Variants in FAM184B observed in about 807,000 individuals in gnomAD.
FAM184B encodes protein FAM184B.
A neutral mutation model predicts 135.9 loss-of-function variants in FAM184B; 111 were observed. The ratio of observed to expected loss-of-function variants is 0.82; its 90% confidence interval spans 0.70 to 0.96. The LOEUF is 0.96. Among genes scored for constraint, FAM184B ranks in the 40% least tolerant of loss-of-function variants. The pLI is 0.00. For missense variants in FAM184B, 1,375 were observed against 1,323.9 expected (o/e 1.04, Z -0.60); for synonymous variants, 552 against 524.8 (o/e 1.05, Z -0.71).
At chr4:17,685,988 A>AT (rs1416252256) in intron 7 of FAM184B, among the ~76,000 whole-genome samples, 1 of 152,052 alleles carries the variant, frequency 6.6e-6, no homozygotes, top group African/African-American at 2.4e-5. Context: ...CCTGAACTGC[A>AT]TTTTTTTATT....
rs1717078989 is a variant in FAM184B, at chr4:17,705,183, C to T, written c.1194G>A (p.Glu398=). The change falls in exon 5 of 18, where the codon GAG becomes GAA. Residue 398 remains glutamate, a synonymous_variant. Transcript: ENST00000265018. ...DMQTKKEASA[E]TEYMKQQYEE... ...CATATTGTTGCTTCATATATTCTGT[C>T]TCAGCACTTGCCTCTTTCTTGGTCT... 5.8e-6 allele frequency: 9 copies of T among 1,551,654 alleles called. No individual in the cohort carries two copies. Among genetic ancestry groups the T allele is most frequent in the African/African-American group, 1.4e-5 (1 of 73,038 alleles).
chr4:17,760,068 T>C (rs1289019629), intron 1 of FAM184B, among the ~76,000 whole-genome samples: 3 of 152,130 alleles, frequency 2.0e-5, no homozygotes, highest in Non-Finnish European at 2.9e-5. Flanking sequence ...CAGCATTTCA[T>C]GACATACAAA....
intron 1 of FAM184B, among the ~76,000 whole-genome samples, chr4:17,768,853 A>C (rs571176226): frequency 6.7e-6 from 1 of 150,008 alleles, no homozygotes; most frequent in East Asian, 2.0e-4. Flanking sequence ...TGCCCAGGCT[A>C]GAGTGCAATG....
chr4:17,640,102 G>A (rs1715264555), intron 13 of FAM184B, among the ~76,000 whole-genome samples: 1 of 100,844 alleles, frequency 9.9e-6, no homozygotes, highest in Non-Finnish European at 2.4e-5. Flanking sequence ...AAAGTGCTGG[G>A]ATTACACGCG....
chr4:17,705,220 A>T lies in FAM184B; in HGVS notation c.1171-14T>A. 7.8e-6 allele frequency: 12 copies of T among 1,548,098 alleles called. No individual in the cohort carries two copies. The highest frequency in any genetic ancestry group is 1.0e-5 in the Non-Finnish European group (12 of 1,145,228). The stretch of plus-strand genomic sequence containing the variant: ...CTCTTTCTTGGTCTATAAAAAGAAA[A>T]AGGACCTTGTAAAACCACTGGGGAG... On this transcript the variant is annotated splice_polypyrimidine_tract_variant and intron_variant, in intron 4 of 17. Coordinates refer to ENST00000265018, the MANE Select transcript of FAM184B (RefSeq NM_015688.2).
chr4:17,682,534 T>C (rs1004557116), intron 7 of FAM184B, among the ~76,000 whole-genome samples: 1 of 152,194 alleles, frequency 6.6e-6, no homozygotes, highest in Non-Finnish European at 1.5e-5. Context: ...AGTCTCACTC[T>C]GTTCCCCAGG....
intron 11 of FAM184B, 77 bp downstream of exon 11, chr4:17,652,751 GCC>G: frequency 1.4e-6 from 2 of 1,471,480 alleles, no homozygotes; most frequent in East Asian, 5.0e-5. Flanking sequence ...TGGAGCCCTG[GCC>G]CTCAGCTTGT....
intron 13 of FAM184B, among the ~76,000 whole-genome samples, chr4:17,641,712 C>G (rs1270243580): frequency 7.9e-6 from 1 of 126,086 alleles, no homozygotes; most frequent in African/African-American, 3.0e-5. Flanking sequence ...GTTGTCCAGG[C>G]TGGTCTCGAA....
At chr4:17,658,964 CCT>C (rs1443374481) in intron 9 of FAM184B, among the ~76,000 whole-genome samples, 3 of 152,152 alleles carry the variant, frequency 2.0e-5, no homozygotes, top group Non-Finnish European at 4.4e-5. Context: ...CTCCCAGAAA[CCT>C]CTGCCCTGCT....
intron 7 of FAM184B, among the ~76,000 whole-genome samples, chr4:17,678,192 A>T (rs949178655): frequency 1.3e-5 from 2 of 152,214 alleles, no homozygotes; most frequent in African/African-American, 4.8e-5. Flanking sequence ...AAGAGAAAGA[A>T]ATAAAGGGCA....
Position 17,642,120 on chromosome 4 carries a change from GCACCGCGTC to G in FAM184B, c.2446_2454del (p.Asp816_Val818del). 6.5e-7 allele frequency: 1 copy of G among 1,532,826 alleles called. No individual in the cohort carries two copies. The highest frequency in any genetic ancestry group is 8.7e-7 in the Non-Finnish European group (1 of 1,145,276). The allele number at this position is 1,532,826 out of a possible 1,614,324, so 95.0% of individuals were successfully genotyped here. A position where few individuals can be genotyped will look rare whatever the true frequency, so the allele number is the denominator to read the frequency against. ...TGCTCCACCTCCGCGCGCAGCCGCC[GCACCGCGTC>G]CTGGAGCTGCGCGTTCTCCTCCCAG... On this transcript the variant is annotated inframe_deletion, in exon 13 of 18. Coordinates refer to ENST00000265018, the MANE Select transcript of FAM184B (RefSeq NM_015688.2).
Position 17,715,400 on chromosome 4 carries a change from G to A in FAM184B, c.142-5756C>T, listed in dbSNP as rs552619625. Among the ~76,000 whole-genome samples the A allele has an allele frequency of 9.9e-5, 15 of 152,152 alleles. No homozygotes were observed. The South Asian group carries it at 1.5e-3, about 15-fold the overall frequency. Reference sequence around the variant, plus strand: ...TGAGGCAGGAGAATCACTTGAACGCGGGAGGTGGAGGTTGCAGTGAGCCGA... The same window carrying A: ...TGAGGCAGGAGAATCACTTGAACGCAGGAGGTGGAGGTTGCAGTGAGCCGA... On this transcript the variant is annotated intron_variant, in intron 1 of 17. Coordinates refer to ENST00000265018, the MANE Select transcript of FAM184B (RefSeq NM_015688.2).
intron 1 of FAM184B, among the ~76,000 whole-genome samples, chr4:17,747,969 G>T (rs1577288038): frequency 7.1e-6 from 1 of 141,412 alleles, no homozygotes; most frequent in African/African-American, 2.6e-5. Flanking sequence ...AGCCAGGCAT[G>T]GTGGCGCATG....
At position 17,688,510 on chromosome 4, in the gene FAM184B, T is replaced by C. The variant is rs1365009634; in HGVS notation, c.1510A>G (p.Ile504Val). The change falls in exon 7 of 18, where the codon ATC (isoleucine) becomes GTC (valine). Residue 504 changes from isoleucine to valine, a missense_variant. Coordinates refer to ENST00000265018, the MANE Select transcript of FAM184B (RefSeq NM_015688.2). Reference sequence around the variant, plus strand: ...GTGGGGCGTGTCTTATTTTGTTGGATAAATTCTTCCAGCCTTAAAACCTAA... The same window carrying C: ...GTGGGGCGTGTCTTATTTTGTTGGACAAATTCTTCCAGCCTTAAAACCTAA... ...LLEVLRLEEF[I>V]QQNKTRPTGA... 1.3e-6 allele frequency: 2 copies of C among 1,550,374 alleles called. No individual in the cohort carries two copies. The highest frequency in any genetic ancestry group is 1.7e-6 in the Non-Finnish European group (2 of 1,146,688).
intron 10 of FAM184B, among the ~76,000 whole-genome samples, chr4:17,653,264 G>A (rs1715677325): frequency 6.6e-6 from 1 of 152,188 alleles, no homozygotes; most frequent in Non-Finnish European, 1.5e-5. Context: ...ATGAAGAGGT[G>A]GGAGATAGAG....
chr4:17,720,883 T>TAAAAAAAAAAAA (rs59409749), intron 1 of FAM184B, among the ~76,000 whole-genome samples: 1 of 100,330 alleles, frequency 1.0e-5, no homozygotes, highest in Non-Finnish European at 2.0e-5. Flanking sequence ...AGACTTCATC[T>TAAAAAAAAAAAA]AAAAAAAAAA....
rs79452298 is a variant in FAM184B at position 17,713,574 on chromosome 4, T to C, written c.142-3930A>G. ...GTGCCTAGCACAGGGATAGGTGCTA[T>C]ATACACATTCACAATCTCAGAGGAT... is the stretch of plus-strand genomic sequence containing the variant. On this transcript the variant is annotated intron_variant, in intron 1 of 17. Transcript: ENST00000265018. Among the ~76,000 whole-genome samples, 210 of 152,372 alleles carry C rather than the reference T, an allele frequency of 1.4e-3. 4 individuals carry two copies. The East Asian group carries it at 0.034, about 25-fold the overall frequency.
Position 17,754,498 on chromosome 4 carries a change from G to T in FAM184B, c.141+26661C>A, listed in dbSNP as rs754498483. On this transcript the variant is annotated intron_variant, in intron 1 of 17. Transcript: ENST00000265018. ...CCCGGGAGGCGGAGGTTGAAGTGAGGCAAGGTCATGCCATTGCACTCCAGC... is the reference window on the plus strand; with the variant it reads ...CCCGGGAGGCGGAGGTTGAAGTGAGTCAAGGTCATGCCATTGCACTCCAGC... Among the ~76,000 whole-genome samples, 67 of 150,264 alleles carry T rather than the reference G, an allele frequency of 4.5e-4. 1 individual carries two copies. Among genetic ancestry groups the T allele is most frequent in the Non-Finnish European group, 8.1e-4 (55 of 67,682 alleles).
intron 7 of FAM184B, among the ~76,000 whole-genome samples, chr4:17,665,966 C>T (rs541923029): frequency 6.6e-6 from 1 of 151,954 alleles, no homozygotes; most frequent in African/African-American, 2.4e-5. Flanking sequence ...CAAACTACCA[C>T]ATGTGCAGAA....
Sources: allele counts gnomAD v4.1 joint callset (sites outside exome capture counted in the v4.1 genomes callset), GRCh38; gene constraint gnomAD v4.1.1; transcripts MANE v1.5; gene names NCBI Gene and HGNC (gene_info 2026-07-23, HGNC 2026-07-21).